Variants in CNTN3 observed in about 807,000 individuals in gnomAD.
The protein encoded by CNTN3 is contactin-3.
CNTN3 carries 60 observed loss-of-function variants against 119.1 expected under a neutral mutation model. The observed-to-expected ratio is 0.50, with a 90% CI of 0.41 to 0.62. CNTN3 has a LOEUF of 0.62. Ranked by LOEUF, CNTN3 falls within the 20% of genes least tolerant of loss-of-function variation. CNTN3 has a pLI of 0.00. For missense variants in CNTN3, 1,101 were observed against 1,242.4 expected (o/e 0.89, Z 1.71); for synonymous variants, 450 against 438.7 (o/e 1.03, Z -0.32).
intron 4 of CNTN3, among the ~76,000 whole-genome samples, chr3:74,441,171 T>C (rs1701957668): frequency 1.3e-5 from 2 of 152,228 alleles, no homozygotes; most frequent in Middle Eastern, 3.4e-3. Flanking sequence ...CATAGGCCTT[T>C]AAAAACATCT....
intron 4 of CNTN3, among the ~76,000 whole-genome samples, chr3:74,464,127 C>T (rs1202448963): frequency 6.6e-6 from 1 of 152,076 alleles, no homozygotes; most frequent in South Asian, 2.1e-4. Context: ...CAATACAGCT[C>T]CCCTCCTACA....
intron 5 of CNTN3, among the ~76,000 whole-genome samples, chr3:74,392,216 T>G (rs755778958): frequency 8.6e-5 from 13 of 151,882 alleles, no homozygotes; most frequent in Non-Finnish European, 1.6e-4. Context: ...AATTAAAGAG[T>G]GTTACTCCAA....
intron 5 of CNTN3, among the ~76,000 whole-genome samples, chr3:74,393,114 T>A (rs1002049261): frequency 1.3e-5 from 2 of 152,230 alleles, no homozygotes; most frequent in Non-Finnish European, 2.9e-5. Context: ...ATTTAACTTA[T>A]CTTCTATCCC....
chr3:74,326,314 C>T (rs1184536305), intron 13 of CNTN3, among the ~76,000 whole-genome samples: 1 of 151,984 alleles, frequency 6.6e-6, no homozygotes, highest in Non-Finnish European at 1.5e-5. Flanking sequence ...AAAACTATTA[C>T]TTAAAAATGT....
chr3:74,379,061 T>C (rs1704548480), intron 5 of CNTN3, among the ~76,000 whole-genome samples: 2 of 152,200 alleles, frequency 1.3e-5, no homozygotes, highest in Non-Finnish European at 1.5e-5. Context: ...TTCCACTATA[T>C]TCAGTTCTAC....
Position 74,439,565 on chromosome 3 carries a change from T to C in CNTN3, c.359-14625A>G, listed in dbSNP as rs1372023728. On this transcript the variant is annotated intron_variant, in intron 4 of 22. Transcript: ENST00000263665. ...ATCTGTGAAATGGGCAATACTGATA[T>C]TGTTATTCCCAATATTTACATAAGC... Among the ~76,000 whole-genome samples the C allele has an allele frequency of 2.6e-5, 4 of 152,334 alleles. No individual in the cohort carries two copies. The East Asian group carries it at 5.8e-4, about 22-fold the overall frequency.
chr3:74,391,372 C>T (rs924005501), intron 5 of CNTN3, among the ~76,000 whole-genome samples: 1 of 152,058 alleles, frequency 6.6e-6, no homozygotes, highest in Non-Finnish European at 1.5e-5. Context: ...CTACTGCTTA[C>T]CAATTACATG....
intron 17 of CNTN3, among the ~76,000 whole-genome samples, chr3:74,299,116 G>C (rs1278378243): frequency 6.6e-6 from 1 of 151,998 alleles, no homozygotes; most frequent in African/African-American, 2.4e-5. Context: ...GTTGAGGTGG[G>C]AGAATCACTT....
intron 1 of CNTN3, among the ~76,000 whole-genome samples, chr3:74,536,510 T>G (rs1703767427): frequency 6.6e-6 from 1 of 152,076 alleles, no homozygotes; most frequent in Non-Finnish European, 1.5e-5. Flanking sequence ...CAAAATTGAA[T>G]TTACTAAAAA....
chr3:74,291,406 G>A (rs1702227633), intron 19 of CNTN3, among the ~76,000 whole-genome samples: 1 of 152,136 alleles, frequency 6.6e-6, no homozygotes. Context: ...AATCCTTTGG[G>A]TATATACCCA....
intron 5 of CNTN3, among the ~76,000 whole-genome samples, chr3:74,422,892 CT>C (rs1231605450): frequency 6.6e-6 from 1 of 152,126 alleles, no homozygotes; most frequent in Non-Finnish European, 1.5e-5. Flanking sequence ...CATTCCAGTG[CT>C]TGTCAGCTGG....
intron 2 of CNTN3, among the ~76,000 whole-genome samples, chr3:74,514,048 A>G (rs1703412076): frequency 6.6e-6 from 1 of 152,044 alleles, no homozygotes. Flanking sequence ...ATAACCAAAA[A>G]TCAGTGTTTA....
rs1171040120 is a variant in CNTN3 at position 74,530,390 on chromosome 3, TG to T, written c.-80-9199del. ...ACTCACATCAGAGTTGTCCAGAGAC[TG>T]AGTAGAGGATTTGAGAAAGGGGTGA... On this transcript the variant is annotated intron_variant, in intron 1 of 22. Transcript: ENST00000263665. Among the ~76,000 whole-genome samples the T allele has an allele frequency of 6.6e-5, 10 of 152,002 alleles. No individual in the cohort carries two copies. The East Asian group carries it at 2.0e-3, about 30-fold the overall frequency.
intron 13 of CNTN3, among the ~76,000 whole-genome samples, chr3:74,305,196 G>T (rs565725797): frequency 2.0e-5 from 3 of 152,242 alleles, no homozygotes; most frequent in East Asian, 1.9e-4. Flanking sequence ...ATCCACAAAG[G>T]TTAAATAAAA....
intron 20 of CNTN3, among the ~76,000 whole-genome samples, chr3:74,283,172 T>C (rs1323428521): frequency 1.2e-4 from 19 of 152,132 alleles, no homozygotes; most frequent in Admixed American, 1.1e-3. Flanking sequence ...GAGGATACCA[T>C]AGTGGTTAAG....
intron 13 of CNTN3, among the ~76,000 whole-genome samples, chr3:74,317,495 T>C (rs982515755): frequency 1.3e-5 from 2 of 152,180 alleles, no homozygotes; most frequent in African/African-American, 4.8e-5. Flanking sequence ...CTTTCCATGT[T>C]TAGTGCTTCC....
Position 74,371,230 on chromosome 3 carries a change from C to T in CNTN3, c.624G>A (p.Leu208=). The T allele has an allele frequency of 1.9e-6, 3 of 1,613,368 alleles. No individual in the cohort carries two copies. The highest frequency in any genetic ancestry group is 1.3e-5 in the African/African-American group (1 of 74,964). The change falls in exon 6 of 23, where the codon CTG becomes CTA. Residue 208 remains leucine (L), a synonymous_variant. Transcript: ENST00000263665. ...VTSMVTNARV[L]GSPTPLVLRS... is the part of the protein sequence containing the mutation. ...GTAGCACCAAAGGAGTTGGAGAGCC[C>T]AGCACTCGGGCATTTGTCACCATAC...
At chr3:74,318,131 A>G (rs1199673402) in intron 13 of CNTN3, among the ~76,000 whole-genome samples, 2 of 152,112 alleles carry the variant, frequency 1.3e-5, no homozygotes, top group African/African-American at 4.8e-5. Flanking sequence ...TGATCGCATC[A>G]GCTCCTGAGG....
At chr3:74,512,692 CAAAAAAAA>C (rs66822650) in intron 2 of CNTN3, among the ~76,000 whole-genome samples, 39 of 85,250 alleles carry the variant, frequency 4.6e-4, no homozygotes, top group Admixed American at 2.8e-3. Flanking sequence ...CATAATCAAG[CAAAAAAAA>C]AAAAAAAAAA....
Sources: allele counts gnomAD v4.1 joint callset (sites outside exome capture counted in the v4.1 genomes callset), GRCh38; gene constraint gnomAD v4.1.1; transcripts MANE v1.5; gene names NCBI Gene and HGNC (gene_info 2026-07-23, HGNC 2026-07-21).